Variants in ATP10B observed in about 807,000 individuals in gnomAD.
ATP10B encodes the protein ATPase phospholipid transporting 10B (putative).
A neutral mutation model predicts 141.2 loss-of-function variants in ATP10B; 122 were observed. That is an observed-to-expected ratio of 0.86 (90% confidence interval 0.75 to 1.00). The LOEUF is 1.00. Among genes scored for constraint, ATP10B ranks in the 50% least tolerant of loss-of-function variants. The pLI is 0.00. For missense variants in ATP10B, 1,876 were observed against 1,825.3 expected (o/e 1.03, Z -0.51); for synonymous variants, 685 against 692.0 (o/e 0.99, Z 0.16).
At chr5:160,667,920 CT>C (rs1436153954) in intron 7 of ATP10B, among the ~76,000 whole-genome samples, 1 of 152,018 alleles carries the variant, frequency 6.6e-6, no homozygotes, top group Non-Finnish European at 1.5e-5. Flanking sequence ...GCTCCTAGAA[CT>C]TTAAAAAAAA....
At chr5:160,617,001 G>C (rs1758057323) in intron 16 of ATP10B, among the ~76,000 whole-genome samples, 1 of 152,152 alleles carries the variant, frequency 6.6e-6, no homozygotes, top group South Asian at 2.1e-4. Flanking sequence ...AATTGCTCAA[G>C]GTCACACATC....
intron 2 of ATP10B, among the ~76,000 whole-genome samples, chr5:160,765,588 A>G (rs577956565): frequency 5.9e-5 from 9 of 152,302 alleles, no homozygotes; most frequent in African/African-American, 2.2e-4. Context: ...ACTTAAATCT[A>G]AGACTTGAAA....
intron 2 of ATP10B, among the ~76,000 whole-genome samples, chr5:160,718,615 A>G (rs1765794357): frequency 6.6e-6 from 1 of 152,208 alleles, no homozygotes; most frequent in African/African-American, 2.4e-5. Flanking sequence ...GAAAGGGTAC[A>G]CACACAAAGA....
chr5:160,754,285 G>A (rs1267562584), intron 2 of ATP10B, among the ~76,000 whole-genome samples: 4 of 152,134 alleles, frequency 2.6e-5, no homozygotes, highest in Admixed American at 2.0e-4. Flanking sequence ...TCAAACCCAT[G>A]CTTAACCTAT....
At chr5:160,575,174 C>A (rs1755116352) in intron 24 of ATP10B, among the ~76,000 whole-genome samples, 2 of 148,916 alleles carry the variant, frequency 1.3e-5, no homozygotes, top group Admixed American at 1.3e-4. Context: ...GTAAATTTTA[C>A]CAAACTTAAC....
At chr5:160,783,165 C>T (rs915515457) in intron 2 of ATP10B, among the ~76,000 whole-genome samples, 6 of 150,210 alleles carry the variant, frequency 4.0e-5, no homozygotes, top group Non-Finnish European at 7.5e-5. Flanking sequence ...TATCCCTTGT[C>T]CCCCTTCCAC....
rs1758292687 is a variant in ATP10B at position 160,620,770 on chromosome 5, C to T, written c.1993G>A (p.Asp665Asn). Residue 665 changes from aspartate to asparagine, a missense_variant, in exon 15 of 26, where the codon GAT becomes AAT. Transcript: ENST00000327245. ...VATTDSDERD[D>N]ASVCSGGDST... ...TCACCTCCACTGCACACAGATGCAT[C>T]ATCTCTCTCATCCGAGTCTGTGGTG... The T allele has an allele frequency of 1.2e-6, 2 of 1,614,112 alleles. No individual in the cohort carries two copies. Among genetic ancestry groups the T allele is most frequent in the Non-Finnish European group, 1.7e-6 (2 of 1,180,044 alleles).
At chr5:160,700,081 T>A (rs1179208601) in intron 3 of ATP10B, among the ~76,000 whole-genome samples, 2 of 151,610 alleles carry the variant, frequency 1.3e-5, no homozygotes, top group East Asian at 3.9e-4. Flanking sequence ...CAGGAAAGAG[T>A]GGAGAATGAG....
chr5:160,705,139 C>T (rs1459751225), intron 3 of ATP10B, among the ~76,000 whole-genome samples: 2 of 151,738 alleles, frequency 1.3e-5, no homozygotes, highest in African/African-American at 2.4e-5. Flanking sequence ...AGGATGGTCT[C>T]GATCTCCTGA....
intron 15 of ATP10B, among the ~76,000 whole-genome samples, chr5:160,618,330 A>G (rs988408760): frequency 6.6e-6 from 1 of 152,252 alleles, no homozygotes; most frequent in African/African-American, 2.4e-5. Flanking sequence ...CAGCTGAATC[A>G]GGGGACTAGA....
upstream of ATP10B, among the ~76,000 whole-genome samples, chr5:160,854,283 C>T (rs544659194): frequency 5.3e-5 from 8 of 152,174 alleles, no homozygotes; most frequent in South Asian, 2.1e-4. Context: ...CCCATCAACC[C>T]GTCACCTACA....
chr5:160,680,140 T>C (rs889808759), intron 6 of ATP10B, among the ~76,000 whole-genome samples: 6 of 151,940 alleles, frequency 3.9e-5, no homozygotes, highest in Non-Finnish European at 8.8e-5. Flanking sequence ...GGATGATGCA[T>C]GGGCTTAGGT....
At chr5:160,827,326 T>G (rs899150675) in intron 1 of ATP10B, among the ~76,000 whole-genome samples, 1 of 152,122 alleles carries the variant, frequency 6.6e-6, no homozygotes, top group Non-Finnish European at 1.5e-5. Flanking sequence ...TGCATCTGTT[T>G]TTTAACTTTT....
intron 7 of ATP10B, among the ~76,000 whole-genome samples, chr5:160,663,652 G>A (rs1285913237): frequency 3.8e-5 from 3 of 79,660 alleles, no homozygotes. Flanking sequence ...GGTGGGGAGA[G>A]CGGGGAGGGA....
chr5:160,839,088 A>G (rs1470691456), intron 1 of ATP10B, among the ~76,000 whole-genome samples: 1 of 152,190 alleles, frequency 6.6e-6, no homozygotes, highest in African/African-American at 2.4e-5. Flanking sequence ...TACAGCCTGC[A>G]GAACCATACA....
the ATP10B span, among the ~76,000 whole-genome samples, chr5:160,920,552 A>G: frequency 1.6e-4 from 24 of 152,190 alleles, no homozygotes; most frequent in African/African-American, 5.8e-4. Flanking sequence ...TGAGAATTGA[A>G]TCACATAGTA....
intron 1 of ATP10B, among the ~76,000 whole-genome samples, chr5:160,815,169 C>T (rs990950976): frequency 6.6e-5 from 10 of 152,050 alleles, no homozygotes; most frequent in Admixed American, 6.6e-4. Context: ...CTAAAATGCT[C>T]CAATTAAAAG....
chr5:160,888,069 G>A, the ATP10B span, among the ~76,000 whole-genome samples: 1 of 152,232 alleles, frequency 6.6e-6, no homozygotes, highest in Non-Finnish European at 1.5e-5. Context: ...AAAGGAGCCT[G>A]TCATAAATCT....
At chr5:160,792,499 G>T (rs947926960) in intron 1 of ATP10B, among the ~76,000 whole-genome samples, 8 of 152,004 alleles carry the variant, frequency 5.3e-5, no homozygotes, top group Admixed American at 4.6e-4. Flanking sequence ...GTATTTGCAG[G>T]TTCTGAGTCA....
Sources: gnomAD v4.1 joint callset for allele counts (sites outside exome capture counted in the v4.1 genomes callset) on GRCh38, gnomAD v4.1.1 for gene constraint, MANE v1.5 for transcripts, NCBI Gene and HGNC (gene_info 2026-07-23, HGNC 2026-07-21) for gene names.